RALYL: variants seen among roughly 807,000 people sequenced by gnomAD.
RALYL encodes the protein RNA-binding Raly-like protein.
Under a neutral mutation model 35.1 loss-of-function variants are expected in RALYL, and 29 were observed. The observed-to-expected ratio is 0.83, with a 90% CI of 0.61 to 1.13. The LOEUF is 1.13. RALYL is among the 50% of genes most tolerant of loss of function. RALYL has a pLI of 0.00. For synonymous variants in RALYL, 120 were observed against 127.6 expected (o/e 0.94, Z 0.40); for missense variants, 359 against 360.4 (o/e 1.00, Z 0.03).
At chr8:84,739,894 C>CTTATGTATATTATTTCTTCTT (rs1307426355) in intron 2 of RALYL, among the ~76,000 whole-genome samples, 22 of 151,830 alleles carry the variant, frequency 1.4e-4, no homozygotes, top group Non-Finnish European at 2.6e-4. Flanking sequence ...GAATTGGAGT[C>CTTATGTATATTATTTCTTCTT]ACTATATATA....
intron 2 of RALYL, among the ~76,000 whole-genome samples, chr8:84,625,398 G>C (rs1822506222): frequency 6.6e-6 from 1 of 152,196 alleles, no homozygotes; most frequent in Non-Finnish European, 1.5e-5. Context: ...AAAGTGTACT[G>C]TATGGCAAGC....
chr8:84,412,677 C>T (rs1240763349), intron 1 of RALYL, among the ~76,000 whole-genome samples: 2 of 151,964 alleles, frequency 1.3e-5, no homozygotes, highest in Non-Finnish European at 2.9e-5. Context: ...TGCAATCTCT[C>T]TCAAATAACT....
At chr8:84,676,627 C>CGGAAA (rs1378265688) in intron 2 of RALYL, among the ~76,000 whole-genome samples, 13 of 152,184 alleles carry the variant, frequency 8.5e-5, no homozygotes, top group African/African-American at 2.9e-4. Context: ...CCTAAAACAG[C>CGGAAA]CTTCTGGATT....
chr8:84,552,234 C>A (rs573224993), intron 2 of RALYL, among the ~76,000 whole-genome samples: 1 of 148,674 alleles, frequency 6.7e-6, no homozygotes, highest in Admixed American at 6.7e-5. Context: ...CAGAAAAGTG[C>A]TGAGAAAATA....
At chr8:84,884,250 G>A (rs1842614172) in intron 7 of RALYL, among the ~76,000 whole-genome samples, 1 of 152,036 alleles carries the variant, frequency 6.6e-6, no homozygotes, top group African/African-American at 2.4e-5. Flanking sequence ...AGAAGAAGAT[G>A]AGAAAACAGT....
chr8:84,571,099 AGTTCTCTTT>A (rs1807869301), intron 2 of RALYL, among the ~76,000 whole-genome samples: 1 of 151,492 alleles, frequency 6.6e-6, no homozygotes, highest in Non-Finnish European at 1.5e-5. Flanking sequence ...TATTGCATGT[AGTTCTCTTT>A]TTTGTCTGAT....
At chr8:84,670,112 T>C (rs527423069) in intron 2 of RALYL, among the ~76,000 whole-genome samples, 2 of 152,046 alleles carry the variant, frequency 1.3e-5, no homozygotes, top group East Asian at 3.9e-4. Context: ...CTCTGACTAT[T>C]TCCTGCTGAA....
intron 1 of RALYL, among the ~76,000 whole-genome samples, chr8:84,469,497 C>T (rs920814657): frequency 5.3e-5 from 8 of 152,160 alleles, no homozygotes; most frequent in African/African-American, 9.7e-5. Context: ...GCAGTCTGCC[C>T]GTCCTGAGAT....
At chr8:84,728,760 G>C (rs1354596562) in intron 2 of RALYL, among the ~76,000 whole-genome samples, 1 of 151,986 alleles carries the variant, frequency 6.6e-6, no homozygotes, top group African/African-American at 2.4e-5. Context: ...GTTTTTCTCA[G>C]GTTTGTCAAA....
intron 1 of RALYL, among the ~76,000 whole-genome samples, chr8:84,262,267 A>T (rs1478948235): frequency 2.0e-5 from 3 of 152,134 alleles, no homozygotes; most frequent in African/African-American, 2.4e-5. Context: ...CACTTTTTTT[A>T]AAATCATGGT....
At position 84,472,519 on chromosome 8, in the gene RALYL, TTG is replaced by T. The variant is rs373163545; in HGVS notation, c.-23-56776_-23-56775del. Among the ~76,000 whole-genome samples, 44 of 152,304 alleles carry T rather than the reference TTG, an allele frequency of 2.9e-4. No individual in the cohort carries two copies. In the South Asian group the frequency reaches 5.0e-3, roughly 17 times the overall value. On this transcript the variant is annotated intron_variant, in intron 1 of 8. Coordinates refer to ENST00000521268, the MANE Select transcript of RALYL (RefSeq NM_173848.7). Reference sequence around the variant, plus strand: ...GGTCAAGAAATGTACCTTAGTATCTTTGTGTTTAGAGAAACTAGTCCATTTCA... The same window carrying T: ...GGTCAAGAAATGTACCTTAGTATCTTTGTTTAGAGAAACTAGTCCATTTCA...
At chr8:84,809,342 A>G (rs530741573) in intron 4 of RALYL, among the ~76,000 whole-genome samples, 7 of 152,284 alleles carry the variant, frequency 4.6e-5, no homozygotes, top group African/African-American at 1.7e-4. Context: ...TTACTTGATC[A>G]TGGTGGGTTA....
chr8:84,745,197 C>G (rs79607186), intron 2 of RALYL, among the ~76,000 whole-genome samples: 3,090 of 151,970 alleles, frequency 0.02, 101 homozygotes, highest in African/African-American at 0.07. Context: ...TCTACTCCTT[C>G]ACATTAATGC....
chr8:84,194,581 A>C (rs1814761764), intron 1 of RALYL, among the ~76,000 whole-genome samples: 1 of 152,214 alleles, frequency 6.6e-6, no homozygotes, highest in Admixed American at 6.5e-5. Context: ...ACAGTGAATG[A>C]TTCAGATTGA....
intron 1 of RALYL, among the ~76,000 whole-genome samples, chr8:84,438,761 A>G (rs1272104007): frequency 6.6e-6 from 1 of 152,098 alleles, no homozygotes; most frequent in Non-Finnish European, 1.5e-5. Context: ...ATTTTTGTAT[A>G]TGCTAAAAGG....
At chr8:84,674,666 G>C (rs1002591804) in intron 2 of RALYL, among the ~76,000 whole-genome samples, 2 of 152,042 alleles carry the variant, frequency 1.3e-5, no homozygotes, top group Non-Finnish European at 2.9e-5. Flanking sequence ...TCTCATCAAG[G>C]CTGTATAATC....
chr8:84,294,808 TTGGAGGTTGTTGGCA>T (rs1274798517), intron 1 of RALYL, among the ~76,000 whole-genome samples: 1 of 151,848 alleles, frequency 6.6e-6, no homozygotes, highest in African/African-American at 2.4e-5. Context: ...TTTGCTCTGA[TTGGAGGTTGTTGGCA>T]TGGGGAAGCT....
intron 3 of RALYL, among the ~76,000 whole-genome samples, chr8:84,776,671 A>G (rs1816921578): frequency 6.6e-6 from 1 of 152,076 alleles, no homozygotes. Flanking sequence ...TTTTTTTATC[A>G]TCAAAGAGTT....
At chr8:84,764,760 C>A (rs1813513861) in intron 2 of RALYL, among the ~76,000 whole-genome samples, 1 of 152,168 alleles carries the variant, frequency 6.6e-6, no homozygotes, top group African/African-American at 2.4e-5. Context: ...AGTGACTGCC[C>A]AGTAAAATTA....
Sources: allele counts gnomAD v4.1 joint callset (sites outside exome capture counted in the v4.1 genomes callset), GRCh38; gene constraint gnomAD v4.1.1; transcripts MANE v1.5; gene names NCBI Gene and HGNC (gene_info 2026-07-23, HGNC 2026-07-21).